Variants in PSMD6 observed in about 807,000 individuals in gnomAD.
The protein encoded by PSMD6 is proteasome 26S subunit, non-ATPase 6.
A neutral mutation model predicts 44.9 loss-of-function variants in PSMD6; 7 were observed. That is an observed-to-expected ratio of 0.16 (90% CI 0.09 to 0.29). PSMD6 has a LOEUF of 0.29. Among genes scored for constraint, PSMD6 ranks in the 10% least tolerant of loss-of-function variants. The probability of loss-of-function intolerance (pLI) is 1.00; values close to 1 mark genes in which losing one functional copy is unlikely to be tolerated. For missense variants in PSMD6, 420 were observed against 482.6 expected (o/e 0.87, Z 1.21); for synonymous variants, 184 against 172.7 (o/e 1.07, Z -0.51).
chr3:64,013,166 C>A, intron 6 of PSMD6: 1 of 293,428 alleles, frequency 3.4e-6, no homozygotes, highest in South Asian at 1.1e-4. Context: ...TAACAGAAGA[C>A]AACTTTTGAT....
intron 5 of PSMD6, among the ~76,000 whole-genome samples, chr3:64,018,086 T>G (rs1419314494): frequency 6.6e-6 from 1 of 152,234 alleles, no homozygotes; most frequent in Non-Finnish European, 1.5e-5. Context: ...GAAAATGATT[T>G]GCAAATCAGC....
At chr3:64,016,377 G>A (rs1305078325) in intron 5 of PSMD6, 1 of 151,710 alleles carries the variant, frequency 6.6e-6, no homozygotes, top group Non-Finnish European at 1.5e-5. Flanking sequence ...CCTAGAAAAG[G>A]ATACTACTTC....
intron 6 of PSMD6, chr3:64,011,562 A>G (rs1272604524): frequency 6.6e-6 from 1 of 152,172 alleles, no homozygotes; most frequent in Non-Finnish European, 1.5e-5. Flanking sequence ...GTATCACAGA[A>G]ATTTAAAACA....
chr3:64,010,632 T>C lies in PSMD6; in HGVS notation c.*36A>G. 6.8e-7 allele frequency: 1 copy of C among 1,470,966 alleles called. No homozygotes were observed. Among genetic ancestry groups the C allele is most frequent in the Non-Finnish European group, 9.4e-7 (1 of 1,068,042 alleles). The allele number at this position is 1,470,966 out of a possible 1,614,324, so 91.1% of individuals were successfully genotyped here. On this transcript the variant is annotated 3_prime_UTR_variant, in exon 8 of 8. Coordinates refer to ENST00000295901, the MANE Select transcript of PSMD6 (RefSeq NM_014814.3). ...GTAAGCTATAAAAATTCCAAATAAT[T>C]ATCTCTAAAGCAAATCCTTTGTTAG...
intron 2 of PSMD6, among the ~76,000 whole-genome samples, chr3:64,020,748 A>G (rs538077944): frequency 6.6e-6 from 1 of 152,256 alleles, no homozygotes; most frequent in Non-Finnish European, 1.5e-5. Flanking sequence ...AGTAAAAACT[A>G]TCAGTACTCC....
At chr3:64,023,021 C>G in intron 1 of PSMD6, 3 of 1,422,310 alleles carry the variant, frequency 2.1e-6, no homozygotes, top group Non-Finnish European at 2.8e-6. Context: ...AATATTAATG[C>G]CTCACGATTC....
chr3:64,010,816 T>A (rs572335618), intron 7 of PSMD6, 52 bp from the exon 8 acceptor site: 1 of 1,574,002 alleles, frequency 6.4e-7, no homozygotes, highest in African/African-American at 1.4e-5. Context: ...CATTATTCCA[T>A]GACAATAGTT....
rs2076082613 is a variant in PSMD6, at chr3:64,018,516, T to A, written c.826+83A>T. The A allele has an allele frequency of 4.0e-6, 4 of 1,008,464 alleles. No individual in the cohort carries two copies. The Admixed American group carries it at 7.1e-5, about 18-fold the overall frequency. 62.5% of individuals were successfully genotyped at this position (1,008,464 alleles called of 1,614,324 possible). A position where few individuals can be genotyped will look rare whatever the true frequency, so the allele number is the denominator to read the frequency against. On this transcript the variant is annotated intron_variant, in intron 5 of 7. Coordinates refer to ENST00000295901, the MANE Select transcript of PSMD6 (RefSeq NM_014814.3). ...CTACACACTACATTTCTCAGATAGGTGAAAAATCGTCTTAGGTTATTTGCA... is the reference window on the plus strand; with the variant it reads ...CTACACACTACATTTCTCAGATAGGAGAAAAATCGTCTTAGGTTATTTGCA...
intron 2 of PSMD6, among the ~76,000 whole-genome samples, chr3:64,020,770 T>G (rs1218938161): frequency 6.6e-6 from 1 of 152,220 alleles, no homozygotes; most frequent in Non-Finnish European, 1.5e-5. Context: ...GTTTTACACA[T>G]GAGGAAACCG....
intron 2 of PSMD6, among the ~76,000 whole-genome samples, chr3:64,020,565 G>C (rs376494062): frequency 2.6e-5 from 4 of 152,038 alleles, no homozygotes; most frequent in South Asian, 2.1e-4. Context: ...GAAACCACTA[G>C]ATAATTCTAA....
Position 64,019,441 on chromosome 3 carries a change from C to T in PSMD6, c.352G>A (p.Glu118Lys), listed in dbSNP as rs747954376. 2 of 1,609,494 alleles carry T rather than the reference C, an allele frequency of 1.2e-6. No individual in the cohort carries two copies. Among genetic ancestry groups the T allele is most frequent in the South Asian group, 1.1e-5 (1 of 89,904 alleles). ...TTGCGAAAGGCTGTCAGAGCTCCCTCCTGTCAAGAAAGCCAAGGCAATAGG... is the reference window on the plus strand; with the variant it reads ...TTGCGAAAGGCTGTCAGAGCTCCCTTCTGTCAAGAAAGCCAAGGCAATAGG... ...AEYLCRIGDK[E>K]GALTAFRKTY... Residue 118 changes from glutamate to lysine, a missense_variant and splice_region_variant, in exon 3 of 8, where the codon GAG (glutamate) becomes AAG (lysine). Physicochemically the swap from Glu to Lys is moderately conservative, Grantham distance 56. This residue lies in a region of PSMD6 where 216 missense variants were observed against 227.0 expected (regional missense o/e 0.95). Transcript: ENST00000295901.
At chr3:64,011,203 T>A in intron 6 of PSMD6, 1 of 339,878 alleles carries the variant, frequency 2.9e-6, no homozygotes, top group Non-Finnish European at 5.3e-6. Context: ...AATGAAACCA[T>A]ATGTACTCAG....
Position 64,020,380 on chromosome 3 carries a change from T to C in PSMD6, c.352-939A>G, listed in dbSNP as rs376546475. ...AAGTTGTTCGTTTTGGAAGAGTATT[T>C]AATAAATACAGAGGAAATATAATAT... is the stretch of plus-strand genomic sequence containing the variant. On this transcript the variant is annotated intron_variant, in intron 2 of 7. Coordinates refer to ENST00000295901, the MANE Select transcript of PSMD6 (RefSeq NM_014814.3). Among the ~76,000 whole-genome samples, 25 of 152,328 alleles carry C rather than the reference T, an allele frequency of 1.6e-4. No homozygotes were observed. The East Asian group carries it at 2.7e-3, about 16-fold the overall frequency.
chr3:64,022,254 AC>A (rs751875542), intron 2 of PSMD6, 63 bp downstream of exon 2: 556 of 1,541,312 alleles, frequency 3.6e-4, no homozygotes, highest in Non-Finnish European at 4.7e-4. Context: ...AGAAACGATT[AC>A]CTGGAATAGT....
At chr3:64,011,539 TTGAAATTCTTAGGTATCACAGAAA>T (rs1161862456) in intron 6 of PSMD6, 1 of 152,132 alleles carries the variant, frequency 6.6e-6, no homozygotes, top group Non-Finnish European at 1.5e-5. Context: ...CAACCCAGAT[TTGAAATTCTTAGGTATCACAGAAA>T]TTTAAAACAA....
At chr3:64,023,069 G>A (rs887988165) in intron 1 of PSMD6, 35 of 1,429,356 alleles carry the variant, frequency 2.4e-5, no homozygotes, top group South Asian at 7.6e-5. Context: ...GCGGCACAGA[G>A]AGATGCAGAC....
In PSMD6 at chr3:64,019,395, G is replaced by T. The variant is rs1371408383; in HGVS notation, c.398C>A (p.Ala133Asp). ...TACAATATCCAATCGGTGACCCAGG[G>T]CCACAGTTTTGTCATATGTCTTGCG... Reference protein sequence around the residue: ...AFRKTYDKTVALGHRLDIVFY... With the variant: ...AFRKTYDKTVDLGHRLDIVFY... Residue 133 changes from alanine (A) to aspartate (D), a missense_variant, in exon 3 of 8, where the codon GCC becomes GAC. Ala to Asp is a moderately radical substitution (Grantham distance 126, BLOSUM62 -2). Transcript: ENST00000295901. 1 of 1,613,112 alleles carries T rather than the reference G, an allele frequency of 6.2e-7. No individual in the cohort carries two copies. The highest frequency in any genetic ancestry group is 8.5e-7 in the Non-Finnish European group (1 of 1,179,232).
chr3:64,022,776 C>T (rs1383526715), intron 1 of PSMD6: 4 of 1,536,170 alleles, frequency 2.6e-6, no homozygotes, highest in Non-Finnish European at 3.5e-6. Flanking sequence ...CCTCGGTTTG[C>T]TCTTGCCGGA....
At position 64,011,232 on chromosome 3, in the gene PSMD6, GAAAAATTAGGGACC is replaced by G. The variant is rs564759596; in HGVS notation, c.996-291_996-278del. 1.1e-3 allele frequency: 304 copies of G among 276,698 alleles called. 3 individuals carry two copies. The highest frequency in any genetic ancestry group is 1.3e-4 in the Non-Finnish European group (19 of 149,558). 17.1% of individuals were successfully genotyped at this position (276,698 alleles called of 1,614,324 possible). A position where few individuals can be genotyped will look rare whatever the true frequency, so the allele number is the denominator to read the frequency against. On this transcript the variant is annotated intron_variant, in intron 6 of 7. Transcript: ENST00000295901. ...TACTCAGAGAAAAACTGTAGGTTAG[GAAAAATTAGGGACC>G]AAAACTGATAAAAACAGTAAACTGT...
Sources: allele counts gnomAD v4.1 joint callset (sites outside exome capture counted in the v4.1 genomes callset), GRCh38; gene constraint gnomAD v4.1.1; regional missense constraint gnomAD v4.1.1; transcripts MANE v1.5; gene names NCBI Gene and HGNC (gene_info 2026-07-23, HGNC 2026-07-21).